Variants in HMGN5 observed in about 807,000 individuals in gnomAD.
HMGN5 encodes the protein high mobility group nucleosome-binding domain-containing protein 5.
Under a neutral mutation model 9.5 loss-of-function variants are expected in HMGN5, and 4 were observed. The observed-to-expected ratio is 0.42, with a 90% CI of 0.21 to 0.96. The LOEUF is 0.96. Among genes scored for constraint, HMGN5 ranks in the 40% least tolerant of loss-of-function variants. The probability of loss-of-function intolerance (pLI) is 0.30; values close to 1 mark genes in which losing one functional copy is unlikely to be tolerated. For missense variants in HMGN5, 192 were observed against 187.5 expected (o/e 1.02, Z -0.14); for synonymous variants, 55 against 57.1 (o/e 0.96, Z 0.16).
chrX:81,124,876 C>T (rs924514462), intron 1 of HMGN5, among the ~76,000 whole-genome samples: 4 of 110,751 alleles, frequency 3.6e-5, no homozygotes, highest in Non-Finnish European at 7.6e-5. Context: ...CCTACTACCA[C>T]TCCCAAAATT....
intron 1 of HMGN5, among the ~76,000 whole-genome samples, chrX:81,151,301 A>G (rs1394767242): frequency 1.8e-5 from 2 of 111,322 alleles, no homozygotes; most frequent in East Asian, 5.6e-4. Context: ...TGTTCCATTG[A>G]TCTATATCTC....
chrX:81,183,455 C>A (rs1393733786), intron 1 of HMGN5, among the ~76,000 whole-genome samples: 1 of 52,731 alleles, frequency 1.9e-5, no homozygotes, highest in Non-Finnish European at 4.8e-5. Flanking sequence ...CCAATCCCAG[C>A]TATGGCTTAA....
chrX:81,121,389 C>T, intron 2 of HMGN5, 146 bp downstream of exon 2: 1 of 558,902 alleles, frequency 1.8e-6, no homozygotes, highest in Non-Finnish European at 3.1e-6. Flanking sequence ...TGCTCTTTGC[C>T]CTTCTACCCC....
chrX:81,164,447 G>A (rs183814676), intron 1 of HMGN5, among the ~76,000 whole-genome samples: 3 of 111,104 alleles, frequency 2.7e-5, no homozygotes, highest in Non-Finnish European at 5.7e-5. Context: ...TCCCAACTTT[G>A]TTATATTTTG....
At chrX:81,124,606 A>G (rs2075278105) in intron 1 of HMGN5, among the ~76,000 whole-genome samples, 1 of 112,174 alleles carries the variant, frequency 8.9e-6, no homozygotes, top group Admixed American at 9.4e-5. Context: ...CTTTTGCCTA[A>G]ATATTTACTC....
chrX:81,181,861 G>A (rs2075463804), intron 1 of HMGN5, among the ~76,000 whole-genome samples: 1 of 112,096 alleles, frequency 8.9e-6, no homozygotes, highest in South Asian at 3.7e-4. Flanking sequence ...AGACCCTTAG[G>A]TTGCTTCCAA....
chrX:81,125,374 C>T (rs927312064), intron 1 of HMGN5, among the ~76,000 whole-genome samples: 8 of 110,905 alleles, frequency 7.2e-5, no homozygotes, highest in Non-Finnish European at 1.3e-4. Flanking sequence ...TAAAATAAAT[C>T]CAAGTCTACA....
At chrX:81,122,910 CAG>C (rs902865893) in intron 1 of HMGN5, among the ~76,000 whole-genome samples, 7 of 111,309 alleles carry the variant, frequency 6.3e-5, no homozygotes, top group African/African-American at 1.3e-4. Flanking sequence ...CGCCCTTTCT[CAG>C]AGGCGCCTTG....
chrX:81,144,190 G>A (rs146647321), intron 1 of HMGN5, among the ~76,000 whole-genome samples: 2,119 of 111,289 alleles, frequency 0.019, 57 homozygotes, highest in Admixed American at 0.089. Flanking sequence ...CCTAACCCCC[G>A]TGTATCCTGA....
intron 1 of HMGN5, among the ~76,000 whole-genome samples, chrX:81,150,271 A>G (rs1309418579): frequency 8.9e-6 from 1 of 112,095 alleles, no homozygotes; most frequent in Admixed American, 9.5e-5. Flanking sequence ...TGGGAACTGT[A>G]AAAACACATG....
intron 6 of HMGN5, 110 bp from the exon 7 acceptor site, chrX:81,115,340 T>C (rs2075250332): frequency 1.2e-6 from 1 of 856,164 alleles, no homozygotes; most frequent in South Asian, 5.5e-5. Context: ...TAATACTTCA[T>C]TTAAAGAAAG....
chrX:81,190,751 C>T (rs10482570), intron 1 of HMGN5, among the ~76,000 whole-genome samples: 2,124 of 111,086 alleles, frequency 0.019, 47 homozygotes, highest in African/African-American at 0.066. Context: ...ATTATTGTAA[C>T]GGGTGTAAAA....
At chrX:81,161,126 C>A (rs1445528701) in intron 1 of HMGN5, among the ~76,000 whole-genome samples, 2 of 110,346 alleles carry the variant, frequency 1.8e-5, no homozygotes, top group Non-Finnish European at 3.8e-5. Context: ...TTGAATTGCC[C>A]CAAGAATATT....
chrX:81,135,149 G>A (rs1454430328), intron 1 of HMGN5, among the ~76,000 whole-genome samples: 1 of 111,451 alleles, frequency 9.0e-6, no homozygotes, highest in Non-Finnish European at 1.9e-5. Flanking sequence ...TAAATATTTT[G>A]TGCTGCAAGC....
intron 1 of HMGN5, among the ~76,000 whole-genome samples, chrX:81,169,097 T>C (rs1298846584): frequency 9.0e-6 from 1 of 111,660 alleles, no homozygotes; most frequent in Non-Finnish European, 1.9e-5. Context: ...GGCCTGTGTC[T>C]CTAAGGTAAG....
chrX:81,180,052 T>A (rs992108691), intron 1 of HMGN5, among the ~76,000 whole-genome samples: 2 of 111,311 alleles, frequency 1.8e-5, no homozygotes, highest in Non-Finnish European at 3.8e-5. Context: ...AAAAATTAAT[T>A]CAAGATGGAT....
intron 1 of HMGN5, among the ~76,000 whole-genome samples, chrX:81,155,403 T>A (rs1006786744): frequency 6.4e-5 from 7 of 108,737 alleles, no homozygotes; most frequent in African/African-American, 1.7e-4. Flanking sequence ...GCAATTGCCC[T>A]CTGGGTCATT....
At chrX:81,132,437 C>T (rs766127759) in intron 1 of HMGN5, among the ~76,000 whole-genome samples, 1 of 111,687 alleles carries the variant, frequency 9.0e-6, no homozygotes, top group African/African-American at 3.3e-5. Context: ...AAGCTGGAGG[C>T]ATCATGCTAC....
intron 1 of HMGN5, among the ~76,000 whole-genome samples, chrX:81,162,346 CA>C (rs1232443082): frequency 3.2e-5 from 3 of 94,579 alleles, no homozygotes; most frequent in African/African-American, 1.2e-4. Flanking sequence ...CAGACTACTA[CA>C]GGAGAAAACA....
Sources: gnomAD v4.1 joint callset for allele counts (sites outside exome capture counted in the v4.1 genomes callset) on GRCh38, gnomAD v4.1.1 for gene constraint, MANE v1.5 for transcripts, NCBI Gene and HGNC (gene_info 2026-07-23, HGNC 2026-07-21) for gene names.